The following KDM4C variants were observed in gnomAD, a reference collection of about 807,000 sequenced individuals.
KDM4C encodes lysine-specific demethylase 4C.
Under a neutral mutation model 129.3 loss-of-function variants are expected in KDM4C, and 81 were observed. The observed-to-expected ratio is 0.63, with a 90% CI of 0.52 to 0.75. KDM4C has a LOEUF of 0.75. Ranked by LOEUF, KDM4C falls within the 30% of genes least tolerant of loss-of-function variation. The pLI is 0.00. For synonymous variants in KDM4C, 573 were observed against 456.1 expected, an observed-to-expected ratio of 1.26 and a Z score of -3.26; for missense variants, 1,457 against 1,304.0, an observed-to-expected ratio of 1.12 and a Z score of -1.81.
intron 3 of KDM4C, among the ~76,000 whole-genome samples, chr9:6,807,178 G>A (rs1399450140): frequency 2.0e-5 from 3 of 152,136 alleles, no homozygotes; most frequent in Non-Finnish European, 4.4e-5. Context: ...ACGGAGTCTC[G>A]TTCACTCAGT....
chr9:6,907,991 A>G (rs982173633), intron 8 of KDM4C, among the ~76,000 whole-genome samples: 1 of 151,922 alleles, frequency 6.6e-6, no homozygotes, highest in Admixed American at 6.6e-5. Flanking sequence ...CGCTTCATAC[A>G]TTTTTTTTCC....
chr9:6,736,208 G>C (rs1817522618), intron 1 of KDM4C, among the ~76,000 whole-genome samples: 1 of 152,160 alleles, frequency 6.6e-6, no homozygotes, highest in Admixed American at 6.6e-5. Context: ...GAGCATAAAA[G>C]ACTGGAAAAT....
chr9:6,886,474 G>A (rs1034074866), intron 6 of KDM4C, among the ~76,000 whole-genome samples: 11 of 148,570 alleles, frequency 7.4e-5, no homozygotes, highest in South Asian at 2.2e-4. Context: ...CACCATGCCC[G>A]CCTAATTTTT....
chr9:6,772,849 C>A (rs1048717184), intron 1 of KDM4C, among the ~76,000 whole-genome samples: 2 of 149,550 alleles, frequency 1.3e-5, no homozygotes, highest in Non-Finnish European at 3.0e-5. Context: ...CGTGCCACCC[C>A]CATGCCTGGC....
intron 17 of KDM4C, among the ~76,000 whole-genome samples, chr9:7,052,835 T>C (rs1830331220): frequency 1.6e-5 from 2 of 124,054 alleles, no homozygotes; most frequent in African/African-American, 6.9e-5. Context: ...CCTTCTCTAG[T>C]GCCTAACCAG....
chr9:7,082,053 C>T (rs1396368022), intron 17 of KDM4C, among the ~76,000 whole-genome samples: 1 of 152,122 alleles, frequency 6.6e-6, no homozygotes, highest in Non-Finnish European at 1.5e-5. Context: ...CATGGTGGCC[C>T]TGAGAACAAA....
At chr9:7,161,742 G>C (rs906192020) in intron 19 of KDM4C, among the ~76,000 whole-genome samples, 17 of 152,174 alleles carry the variant, frequency 1.1e-4, no homozygotes, top group African/African-American at 4.1e-4. Context: ...TTTTGAATTA[G>C]TGATTGAAAC....
At chr9:6,874,177 T>C (rs1265638230) in intron 5 of KDM4C, among the ~76,000 whole-genome samples, 2 of 152,216 alleles carry the variant, frequency 1.3e-5, no homozygotes, top group Non-Finnish European at 2.9e-5. Flanking sequence ...AGCGAGCACA[T>C]GCTGTTGGAA....
At chr9:6,948,376 C>T (rs149852445) in intron 8 of KDM4C, among the ~76,000 whole-genome samples, 5 of 150,932 alleles carry the variant, frequency 3.3e-5, no homozygotes, top group African/African-American at 9.8e-5. Flanking sequence ...AGTAGGATTT[C>T]GTTCTAAATA....
Position 6,732,259 on chromosome 9 carries a change from G to A in KDM4C, c.49+11262G>A, listed in dbSNP as rs1011441176. Among the ~76,000 whole-genome samples the A allele has an allele frequency of 3.3e-5, 5 of 150,452 alleles. No homozygotes were observed. The Admixed American group carries it at 3.3e-4, about 10-fold the overall frequency. On this transcript the variant is annotated intron_variant, in intron 1 of 17. Coordinates refer to the KDM4C transcript ENST00000536108. Reference sequence around the variant, plus strand: ...GGGCGCCTGTAGTCCCAGCTACTCGGGAGGCTGAGGCAGGAGAATCGCTGG... The same window carrying A: ...GGGCGCCTGTAGTCCCAGCTACTCGAGAGGCTGAGGCAGGAGAATCGCTGG...
intron 8 of KDM4C, among the ~76,000 whole-genome samples, chr9:6,908,788 G>T (rs1348270040): frequency 6.6e-6 from 1 of 152,100 alleles, no homozygotes; most frequent in East Asian, 1.9e-4. Flanking sequence ...TCATTTACAG[G>T]TAATATCATC....
At chr9:7,088,736 A>G (rs1316129076) in intron 17 of KDM4C, among the ~76,000 whole-genome samples, 1 of 152,226 alleles carries the variant, frequency 6.6e-6, no homozygotes, top group Non-Finnish European at 1.5e-5. Flanking sequence ...GAACTAATTT[A>G]AAATATTTTC....
Position 6,984,923 on chromosome 9 carries a change from C to G in KDM4C, c.1354+519C>G, listed in dbSNP as rs139931396. 4.7e-3 allele frequency among the ~76,000 whole-genome samples: 708 copies of G among 152,190 alleles called. 5 individuals carry two copies. The highest frequency in any genetic ancestry group is 0.016 in the African/African-American group (679 of 41,514). On this transcript the variant is annotated intron_variant, in intron 10 of 21. Transcript: ENST00000381309. ...AAATCTCAGCTACTTTGCCTTTTCTCCCTTTGGTAGCATATTTTTCTGAAA... is the reference window on the plus strand; with the variant it reads ...AAATCTCAGCTACTTTGCCTTTTCTGCCTTTGGTAGCATATTTTTCTGAAA...
At chr9:6,731,324 GC>G (rs1817327011) in intron 1 of KDM4C, among the ~76,000 whole-genome samples, 1 of 92,946 alleles carries the variant, frequency 1.1e-5, no homozygotes, top group Non-Finnish European at 2.2e-5. Flanking sequence ...TTTTTTTTTT[GC>G]TTTTTTTTTT....
chr9:6,788,968 T>G (rs1295295614), intron 1 of KDM4C, among the ~76,000 whole-genome samples: 1 of 152,026 alleles, frequency 6.6e-6, no homozygotes, highest in Admixed American at 6.6e-5. Flanking sequence ...GTGAGTATTG[T>G]TGGAGTGTAA....
At chr9:6,768,765 TTTTG>T (rs1249733325) in intron 1 of KDM4C, among the ~76,000 whole-genome samples, 1 of 152,064 alleles carries the variant, frequency 6.6e-6, no homozygotes, top group Non-Finnish European at 1.5e-5. Flanking sequence ...TCTTGACACT[TTTTG>T]TTTTTCTTTC....
At chr9:6,843,142 T>C (rs1837273491) in intron 4 of KDM4C, among the ~76,000 whole-genome samples, 1 of 152,160 alleles carries the variant, frequency 6.6e-6, no homozygotes, top group Admixed American at 6.5e-5. Flanking sequence ...TTGGCCAGGC[T>C]GGCCTTGAAC....
At chr9:7,136,021 T>G (rs894923607) in intron 19 of KDM4C, among the ~76,000 whole-genome samples, 1 of 152,216 alleles carries the variant, frequency 6.6e-6, no homozygotes, top group Non-Finnish European at 1.5e-5. Context: ...TGACAGTAAA[T>G]TCGGGGAATG....
At chr9:7,168,121 G>C (rs1173947085) in intron 20 of KDM4C, among the ~76,000 whole-genome samples, 1 of 152,224 alleles carries the variant, frequency 6.6e-6, no homozygotes, top group African/African-American at 2.4e-5. Context: ...CCAGGAGGCA[G>C]AGGTTGCAGT....
Sources: gnomAD v4.1 joint callset for allele counts (sites outside exome capture counted in the v4.1 genomes callset) on GRCh38, gnomAD v4.1.1 for gene constraint, MANE v1.5 for transcripts, NCBI Gene and HGNC (gene_info 2026-07-23, HGNC 2026-07-21) for gene names.